Variants in TFDP2 observed in about 807,000 individuals in gnomAD.
TFDP2 encodes the protein transcription factor Dp-2.
A neutral mutation model predicts 59.3 loss-of-function variants in TFDP2; 17 were observed. The ratio of observed to expected loss-of-function variants is 0.29; its 90% CI spans 0.20 to 0.43. The LOEUF (loss-of-function observed/expected upper bound fraction) is 0.43, where lower values mean the gene tolerates loss of function less well. Among genes scored for constraint, TFDP2 ranks in the 20% least tolerant of loss-of-function variants. TFDP2 has a pLI of 1.00. For synonymous variants in TFDP2, 180 were observed against 194.7 expected (o/e 0.92, Z 0.63); for missense variants, 391 against 528.8 (o/e 0.74, Z 2.56).
chr3:141,976,840 T>A (rs1940709506), intron 7 of TFDP2, among the ~76,000 whole-genome samples: 1 of 150,438 alleles, frequency 6.6e-6, no homozygotes, highest in Non-Finnish European at 1.5e-5. Context: ...ATATAATGGC[T>A]CCCAAGGAAA....
chr3:142,061,383 T>G (rs578053816), intron 3 of TFDP2, among the ~76,000 whole-genome samples: 1 of 152,258 alleles, frequency 6.6e-6, no homozygotes, highest in African/African-American at 2.4e-5. Flanking sequence ...CTGTGATGGT[T>G]AACTTTTGTG....
intron 7 of TFDP2, among the ~76,000 whole-genome samples, chr3:141,977,139 A>G (rs1332451047): frequency 8.5e-6 from 1 of 117,458 alleles, no homozygotes; most frequent in Admixed American, 8.5e-5. Flanking sequence ...CCCCCCAAAG[A>G]GACGAAGTCT....
chr3:141,986,881 T>C (rs891917044), intron 6 of TFDP2, among the ~76,000 whole-genome samples: 3 of 152,222 alleles, frequency 2.0e-5, no homozygotes, highest in Non-Finnish European at 4.4e-5. Context: ...TTCATTTGCA[T>C]TTTTCTAATG....
chr3:141,976,787 T>C (rs763567258), intron 7 of TFDP2, among the ~76,000 whole-genome samples: 84 of 151,744 alleles, frequency 5.5e-4, no homozygotes, highest in Admixed American at 3.5e-3. Context: ...ATAGACTTTT[T>C]TTTTCAAGTG....
chr3:142,003,522 C>G (rs1304611159), intron 4 of TFDP2, among the ~76,000 whole-genome samples: 1 of 152,140 alleles, frequency 6.6e-6, no homozygotes, highest in African/African-American at 2.4e-5. Context: ...CTTAATAGCA[C>G]CACAATAGGG....
intron 3 of TFDP2, among the ~76,000 whole-genome samples, chr3:142,023,122 C>CAAAAAA (rs765096570): frequency 3.4e-3 from 195 of 56,590 alleles, no homozygotes; most frequent in South Asian, 4.2e-3. Context: ...CCCTCCGTCT[C>CAAAAAA]AAAAAAAAAA....
chr3:141,987,599 T>A (rs960473745), intron 6 of TFDP2, among the ~76,000 whole-genome samples: 3 of 150,532 alleles, frequency 2.0e-5, no homozygotes, highest in African/African-American at 7.3e-5. Flanking sequence ...TGTGTGTGTG[T>A]GTGTATGCGT....
chr3:142,027,955 C>T (rs1047200067), intron 3 of TFDP2, among the ~76,000 whole-genome samples: 1 of 152,084 alleles, frequency 6.6e-6, no homozygotes, highest in Non-Finnish European at 1.5e-5. Flanking sequence ...TGGAATGCAC[C>T]GGCCCCTTTA....
intron 1 of TFDP2, among the ~76,000 whole-genome samples, chr3:142,119,228 T>C (rs1203190656): frequency 6.6e-6 from 1 of 151,778 alleles, no homozygotes; most frequent in African/African-American, 2.4e-5. Flanking sequence ...CAATGAAAGA[T>C]CCTACCAGAT....
rs144909308 is a variant in TFDP2, at chr3:142,082,967, G to A, written c.82+10094C>T. Among the ~76,000 whole-genome samples the A allele has an allele frequency of 4.3e-3, 661 of 152,072 alleles. 4 individuals are homozygous for A. The highest frequency in any genetic ancestry group is 0.015 in the African/African-American group (622 of 41,412). On this transcript the variant is annotated intron_variant, in intron 3 of 12. Coordinates refer to ENST00000489671, the MANE Select transcript of TFDP2 (RefSeq NM_001178139.2). ...CCTATAAGATCTGGAACACAACAAG[G>A]AAGCCTACTTTCAACACTGTTATTC... is the stretch of plus-strand genomic sequence containing the variant.
chr3:142,027,509 T>A (rs1946182382), intron 3 of TFDP2, among the ~76,000 whole-genome samples: 1 of 151,944 alleles, frequency 6.6e-6, no homozygotes, highest in Non-Finnish European at 1.5e-5. Flanking sequence ...CCTCTCCCAC[T>A]CCCGCTCCCC....
chr3:142,035,087 T>A (rs1401469578), intron 3 of TFDP2, among the ~76,000 whole-genome samples: 4 of 152,210 alleles, frequency 2.6e-5, no homozygotes, highest in African/African-American at 7.2e-5. Context: ...TTTTTCTTAT[T>A]ACTTGTATTC....
intron 1 of TFDP2, among the ~76,000 whole-genome samples, chr3:142,120,816 A>C (rs1232965496): frequency 6.6e-6 from 1 of 152,136 alleles, no homozygotes; most frequent in Non-Finnish European, 1.5e-5. Context: ...GATGGGAACA[A>C]CCACTGTTCA....
At position 142,061,889 on chromosome 3, in the gene TFDP2, TACACACACACACACACACACA is replaced by T. The variant is rs1212425552; in HGVS notation, c.82+31151_82+31171del. Among the ~76,000 whole-genome samples, 458 of 79,958 alleles carry T rather than the reference TACACACACACACACACACACA, an allele frequency of 5.7e-3. 3 individuals are homozygous for T. Among genetic ancestry groups the T allele is most frequent in the African/African-American group, 0.017 (410 of 23,888 alleles). 52.5% of individuals were successfully genotyped at this position (79,958 alleles called of 152,430 possible). A position where few individuals can be genotyped will look rare whatever the true frequency, so the allele number is the denominator to read the frequency against. On this transcript the variant is annotated intron_variant, in intron 3 of 12. Coordinates refer to ENST00000489671, the MANE Select transcript of TFDP2 (RefSeq NM_001178139.2). ...CAATCAATTTCTCTCTCTCTCTCTC[TACACACACACACACACACACA>T]CACACACACACACACACACACACAC...
At chr3:142,112,780 T>C (rs1016085237) in intron 1 of TFDP2, among the ~76,000 whole-genome samples, 4 of 152,070 alleles carry the variant, frequency 2.6e-5, no homozygotes, top group African/African-American at 9.7e-5. Flanking sequence ...CTCAGCCTCC[T>C]GAGTAGCTGG....
chr3:142,065,808 T>C (rs2060058974), intron 3 of TFDP2, among the ~76,000 whole-genome samples: 1 of 151,994 alleles, frequency 6.6e-6, no homozygotes, highest in African/African-American at 2.4e-5. Flanking sequence ...CAAAGAATTT[T>C]TATTGAAATA....
chr3:142,072,722 A>G (rs947780206), intron 3 of TFDP2, among the ~76,000 whole-genome samples: 2 of 152,234 alleles, frequency 1.3e-5, no homozygotes, highest in African/African-American at 2.4e-5. Context: ...TGGAAATGTG[A>G]GCAAGAAAAT....
chr3:142,125,067 G>A (rs191579565), intron 1 of TFDP2, among the ~76,000 whole-genome samples: 353 of 152,036 alleles, frequency 2.3e-3, no homozygotes, highest in African/African-American at 8.2e-3. Context: ...TTAGCCAATC[G>A]TGGTGGCATG....
chr3:142,146,523 A>G (rs1449079056), intron 1 of TFDP2, among the ~76,000 whole-genome samples: 1 of 152,226 alleles, frequency 6.6e-6, no homozygotes, highest in Non-Finnish European at 1.5e-5. Flanking sequence ...CTGCAGAGCT[A>G]GGATCTAAAC....
Sources: gnomAD v4.1 joint callset for allele counts (sites outside exome capture counted in the v4.1 genomes callset) on GRCh38, gnomAD v4.1.1 for gene constraint, MANE v1.5 for transcripts, NCBI Gene and HGNC (gene_info 2026-07-23, HGNC 2026-07-21) for gene names.